GARIN2: variants seen among roughly 807,000 people sequenced by gnomAD.
GARIN2 encodes the protein golgi associated RAB2 interactor family member 2, also known as Golgi-associated RAB2 interactor protein 2.
At chr14:67,222,940 A>T in the GARIN2 span, among the ~76,000 whole-genome samples, 1 of 151,956 alleles carries the variant, frequency 6.6e-6, no homozygotes, top group Admixed American at 6.6e-5. Flanking sequence ...AAAAACAGCA[A>T]ATCATTATAG....
the GARIN2 span, among the ~76,000 whole-genome samples, chr14:67,216,536 T>G: frequency 6.6e-6 from 1 of 152,162 alleles, no homozygotes; most frequent in South Asian, 2.1e-4. Context: ...TAGGTATTTA[T>G]CACTATAAAC....
At chr14:67,208,585 T>A in the GARIN2 span, 1 of 964,156 alleles carries the variant, frequency 1.0e-6, no homozygotes, top group African/African-American at 1.7e-5. Flanking sequence ...TGAATGATGA[T>A]ATAGTCAACT....
At chr14:67,203,379 T>C in the GARIN2 span, 3 of 1,135,402 alleles carry the variant, frequency 2.6e-6, no homozygotes, top group South Asian at 5.2e-5. Context: ...CTGATGACAA[T>C]TGCGCCAGTG....
the GARIN2 span, among the ~76,000 whole-genome samples, chr14:67,209,262 T>A: frequency 1.3e-5 from 2 of 152,028 alleles, no homozygotes; most frequent in African/African-American, 4.8e-5. Context: ...AATAAACCAA[T>A]ACAATATATT....
the GARIN2 span, among the ~76,000 whole-genome samples, chr14:67,211,734 G>T: frequency 6.6e-6 from 1 of 152,088 alleles, no homozygotes; most frequent in Non-Finnish European, 1.5e-5. Flanking sequence ...ACAAAACCCT[G>T]CCACCAAAAC....
At chr14:67,204,728 T>C in the GARIN2 span, 1 of 1,613,918 alleles carries the variant, frequency 6.2e-7, no homozygotes, top group Non-Finnish European at 8.5e-7. Flanking sequence ...GTTTCCAAAG[T>C]GTCGGAGGTT....
the GARIN2 span, among the ~76,000 whole-genome samples, chr14:67,201,269 GGAT>G: frequency 6.6e-6 from 1 of 152,082 alleles, no homozygotes; most frequent in African/African-American, 2.4e-5. Context: ...ACTCCAGCCT[GGAT>G]GATAAGACAA....
chr14:67,200,637 G>A, the GARIN2 span: 2 of 174,238 alleles, frequency 1.1e-5, no homozygotes, highest in East Asian at 1.8e-4. Flanking sequence ...CCCACCTCCA[G>A]TATACCATAG....
At chr14:67,204,418 G>A in the GARIN2 span, 1 of 1,353,798 alleles carries the variant, frequency 7.4e-7, no homozygotes, top group Non-Finnish European at 9.7e-7. Flanking sequence ...CTCCAACGTG[G>A]GCAACAGAGT....
At chr14:67,221,414 G>A in the GARIN2 span, among the ~76,000 whole-genome samples, 22 of 152,210 alleles carry the variant, frequency 1.4e-4, no homozygotes, top group African/African-American at 5.1e-4. Flanking sequence ...TTATTTACAC[G>A]GCTCAGCAGC....
the GARIN2 span, among the ~76,000 whole-genome samples, chr14:67,206,766 C>G: frequency 1.4e-4 from 21 of 151,702 alleles, no homozygotes; most frequent in African/African-American, 5.1e-4. Context: ...AGTCTCACTC[C>G]GTTGCCCAGG....
At chr14:67,195,066 A>G in the GARIN2 span, among the ~76,000 whole-genome samples, 64 of 152,280 alleles carry the variant, frequency 4.2e-4, 1 homozygote, top group Non-Finnish European at 6.0e-4. Context: ...GTGCACAGGT[A>G]TCTCAAATCA....
chr14:67,217,489 T>C, the GARIN2 span, among the ~76,000 whole-genome samples: 2 of 152,210 alleles, frequency 1.3e-5, no homozygotes, highest in Non-Finnish European at 2.9e-5. Flanking sequence ...CATTTGCTCC[T>C]TACTTCTCTT....
chr14:67,209,432 G>T, the GARIN2 span, among the ~76,000 whole-genome samples: 1 of 152,202 alleles, frequency 6.6e-6, no homozygotes, highest in East Asian at 1.9e-4. Flanking sequence ...AGAGTTCCAA[G>T]TTGATTGATT....
the GARIN2 span, among the ~76,000 whole-genome samples, chr14:67,216,640 C>G: frequency 7.0e-4 from 107 of 152,070 alleles, no homozygotes; most frequent in African/African-American, 2.6e-3. Context: ...AAATAGCATC[C>G]TTCATTTCTT....
chr14:67,224,019 G>A, the GARIN2 span: 1 of 976,266 alleles, frequency 1.0e-6, no homozygotes, highest in Non-Finnish European at 1.2e-6. Flanking sequence ...ACAAATTCCT[G>A]GCATTATTAA....
At chr14:67,193,964 A>ACAAAAAAAAAAC in the GARIN2 span, among the ~76,000 whole-genome samples, 1 of 147,164 alleles carries the variant, frequency 6.8e-6, no homozygotes, top group Non-Finnish European at 1.5e-5. Flanking sequence ...CAAAAAAAAA[A>ACAAAAAAAAAAC]CGAAAAACAA....
the GARIN2 span, among the ~76,000 whole-genome samples, chr14:67,212,768 A>G: frequency 1.7e-3 from 254 of 151,740 alleles, 2 homozygotes; most frequent in African/African-American, 6.1e-3. Flanking sequence ...CTAACAAAGT[A>G]TAGGCCAAGG....
At chr14:67,228,131 C>G in the GARIN2 span, among the ~76,000 whole-genome samples, 1 of 149,300 alleles carries the variant, frequency 6.7e-6, no homozygotes, top group African/African-American at 2.5e-5. Flanking sequence ...GATTGTGCCA[C>G]TGCACTCCAG....
Sources: allele counts gnomAD v4.1 joint callset (sites outside exome capture counted in the v4.1 genomes callset), GRCh38; gene constraint gnomAD v4.1.1; transcripts MANE v1.5; gene names NCBI Gene and HGNC (gene_info 2026-07-23, HGNC 2026-07-21).